Variants in AGMO observed in about 807,000 individuals in gnomAD.
The protein encoded by AGMO is glyceryl-ether monooxygenase.
A neutral mutation model predicts 60.2 loss-of-function variants in AGMO; 75 were observed. That is an observed-to-expected ratio of 1.25 (90% CI 1.03 to 1.51). AGMO has a LOEUF of 1.51. AGMO is among the 40% of genes most tolerant of loss of function. AGMO has a pLI of 0.00. For missense variants in AGMO, 763 were observed against 525.5 expected, an observed-to-expected ratio of 1.45 and a Z score of -4.42; for synonymous variants, 261 against 177.1, an observed-to-expected ratio of 1.47 and a Z score of -3.76.
intron 10 of AGMO, among the ~76,000 whole-genome samples, chr7:15,372,382 G>A (rs1004818316): frequency 1.3e-5 from 2 of 152,082 alleles, no homozygotes; most frequent in Middle Eastern, 3.4e-3. Flanking sequence ...TTTGAACCTG[G>A]GAAGCAGAGG....
At chr7:15,365,307 C>G (rs1446728908) in intron 12 of AGMO, among the ~76,000 whole-genome samples, 2 of 138,052 alleles carry the variant, frequency 1.4e-5, no homozygotes, top group Admixed American at 8.0e-5. Flanking sequence ...ATCAATCCAA[C>G]TTTACGGGCC....
At chr7:15,354,817 G>A (rs967366943) in intron 12 of AGMO, among the ~76,000 whole-genome samples, 10 of 150,598 alleles carry the variant, frequency 6.6e-5, no homozygotes, top group Non-Finnish European at 1.0e-4. Flanking sequence ...ATTTTTTCTC[G>A]TAATTCACGA....
At chr7:15,368,134 T>A (rs965981126) in intron 10 of AGMO, among the ~76,000 whole-genome samples, 2 of 151,960 alleles carry the variant, frequency 1.3e-5, no homozygotes, top group Admixed American at 6.6e-5. Context: ...AGGATTAGAA[T>A]GTTTAGGAAT....
intron 3 of AGMO, among the ~76,000 whole-genome samples, chr7:15,441,486 A>G (rs1424864088): frequency 6.6e-6 from 1 of 152,202 alleles, no homozygotes; most frequent in East Asian, 1.9e-4. Context: ...AAAGGAGTTC[A>G]CATGCTTTAC....
chr7:15,403,940 A>C (rs909340631), intron 5 of AGMO, among the ~76,000 whole-genome samples: 1 of 151,940 alleles, frequency 6.6e-6, no homozygotes, highest in Non-Finnish European at 1.5e-5. Context: ...CTAGTTTCAC[A>C]CTTTGAAATG....
the AGMO span, among the ~76,000 whole-genome samples, chr7:15,158,135 A>T: frequency 1.3e-5 from 2 of 152,220 alleles, no homozygotes; most frequent in African/African-American, 4.8e-5. Context: ...TTTCAAAAGA[A>T]ATTAGTGCAT....
rs1368554150 is a variant in AGMO, at chr7:15,551,344, A to G, written c.258-6421T>C. ...GCAATTAGGCAGGAGAAGGAAATAA[A>G]GGGTATTCAATTAGGAAAAGAGGAA... On this transcript the variant is annotated intron_variant, in intron 2 of 12. Transcript: ENST00000342526. 2.0e-5 allele frequency among the ~76,000 whole-genome samples: 3 copies of G among 150,532 alleles called. No individual in the cohort carries two copies. In the East Asian group the frequency reaches 5.9e-4, roughly 30 times the overall value.
chr7:15,196,345 G>A (rs1174823050), downstream of AGMO, among the ~76,000 whole-genome samples: 5 of 152,040 alleles, frequency 3.3e-5, no homozygotes, highest in Non-Finnish European at 7.4e-5. Flanking sequence ...CACCACGCCC[G>A]GCTGGCTCCG....
intron 3 of AGMO, among the ~76,000 whole-genome samples, chr7:15,460,443 CTA>C (rs1282485485): frequency 6.6e-6 from 1 of 151,948 alleles, no homozygotes; most frequent in African/African-American, 2.4e-5. Context: ...TATTTTAAGG[CTA>C]TGTTTTCTTT....
chr7:15,521,236 A>T (rs1037420674), intron 3 of AGMO, among the ~76,000 whole-genome samples: 5 of 152,184 alleles, frequency 3.3e-5, no homozygotes, highest in African/African-American at 1.2e-4. Context: ...GCACAGGACC[A>T]GATGGATTCA....
chr7:15,225,161 C>A (rs904752144), intron 12 of AGMO, among the ~76,000 whole-genome samples: 2 of 151,542 alleles, frequency 1.3e-5, no homozygotes, highest in Admixed American at 1.3e-4. Context: ...TACCATCAGA[C>A]GAACATTTTT....
At chr7:15,437,577 C>G (rs938279267) in intron 3 of AGMO, among the ~76,000 whole-genome samples, 1 of 148,628 alleles carries the variant, frequency 6.7e-6, no homozygotes, top group Non-Finnish European at 1.5e-5. Context: ...CTCTGTCGCC[C>G]AGGCTCGAGT....
At chr7:15,518,879 G>A (rs1212119706) in intron 3 of AGMO, among the ~76,000 whole-genome samples, 1 of 151,838 alleles carries the variant, frequency 6.6e-6, no homozygotes, top group African/African-American at 2.4e-5. Flanking sequence ...CCAAGCTAAA[G>A]GAGCATGTTC....
chr7:15,362,767 T>G (rs1446774183), intron 12 of AGMO, among the ~76,000 whole-genome samples: 10 of 152,226 alleles, frequency 6.6e-5, no homozygotes. Context: ...ACCACGTGTC[T>G]TTTCAAAATT....
At chr7:15,344,796 G>A (rs1006434625) in intron 12 of AGMO, among the ~76,000 whole-genome samples, 3 of 152,286 alleles carry the variant, frequency 2.0e-5, no homozygotes, top group Admixed American at 2.0e-4. Flanking sequence ...CTTGAGTAGT[G>A]TGATGCGTTT....
intron 12 of AGMO, among the ~76,000 whole-genome samples, chr7:15,259,267 G>C (rs79857764): frequency 9.9e-5 from 15 of 151,882 alleles, no homozygotes; most frequent in Non-Finnish European, 2.1e-4. Context: ...AAATGCACTG[G>C]AAAGTCTCAG....
At chr7:15,125,320 C>A in the AGMO span, among the ~76,000 whole-genome samples, 1 of 152,086 alleles carries the variant, frequency 6.6e-6, no homozygotes, top group Non-Finnish European at 1.5e-5. Flanking sequence ...CTGTGCCCTA[C>A]TCACAGAATG....
Position 15,390,730 on chromosome 7 carries a change from C to T in AGMO, c.763G>A (p.Glu255Lys), listed in dbSNP as rs146477677. ...KIFGTFEAEN[E>K]KVVYGLTHPI... ...TGTGTTAAGCCATATACAACTTTTT[C>T]ATTTTCTGCTTCAAATGTCCCTGGA... The change falls in exon 8 of 13, where the codon GAA becomes AAA. Residue 255 changes from glutamate to lysine, a missense_variant. Transcript: ENST00000342526. The T allele has an allele frequency of 3.7e-6, 6 of 1,610,904 alleles. No individual in the cohort carries two copies. Among genetic ancestry groups the T allele is most frequent in the Non-Finnish European group, 4.2e-6 (5 of 1,178,080 alleles).
At chr7:15,252,859 T>C (rs548650729) in intron 12 of AGMO, among the ~76,000 whole-genome samples, 19 of 152,112 alleles carry the variant, frequency 1.2e-4, no homozygotes, top group African/African-American at 3.6e-4. Context: ...GGGCAGTAAG[T>C]TGAAAGAAAA....
Sources: gnomAD v4.1 joint callset for allele counts (sites outside exome capture counted in the v4.1 genomes callset) on GRCh38, gnomAD v4.1.1 for gene constraint, MANE v1.5 for transcripts, NCBI Gene and HGNC (gene_info 2026-07-23, HGNC 2026-07-21) for gene names.